Variants in NUP155 observed in about 807,000 individuals in gnomAD.
NUP155 encodes the protein nuclear pore complex protein Nup155.
NUP155 carries 71 observed loss-of-function variants against 180.4 expected under a neutral mutation model. That is an observed-to-expected ratio of 0.39 (90% CI 0.33 to 0.48). NUP155 has a LOEUF of 0.48. Among genes scored for constraint, NUP155 ranks in the 20% least tolerant of loss-of-function variants. NUP155 has a pLI of 0.91. For synonymous variants in NUP155, 582 were observed against 559.5 expected (o/e 1.04, Z -0.57); for missense variants, 1,553 against 1,648.9 (o/e 0.94, Z 1.01).
intron 32 of NUP155, among the ~76,000 whole-genome samples, chr5:37,296,107 C>T (rs1742549194): frequency 6.6e-6 from 1 of 151,628 alleles, no homozygotes; most frequent in Admixed American, 6.5e-5. Flanking sequence ...TGAGGGGCAC[C>T]TCTGCCCGGC....
chr5:37,327,749 G>A lies in NUP155; in HGVS notation c.1904C>T (p.Pro635Leu), dbSNP rs1406135000. The change falls in exon 18 of 35, where the codon CCA becomes CTA. Residue 635 changes from proline (P) to leucine (L), a missense_variant. Transcript: ENST00000231498. ...HGIQPPAMSTPVCALGNPATQ... is the reference protein window; with the variant it reads ...HGIQPPAMSTLVCALGNPATQ... ...TGCTGGGTTTCCCAGAGCACACACT[G>A]GAGTTGACATGGCAGGAGGCTGTAT... 4.3e-6 allele frequency: 7 copies of A among 1,614,058 alleles called. No homozygotes were observed. The highest frequency in any genetic ancestry group is 1.7e-5 in the Admixed American group (1 of 60,010).
chr5:37,332,899 G>A (rs748127321), intron 13 of NUP155, among the ~76,000 whole-genome samples: 2 of 152,018 alleles, frequency 1.3e-5, no homozygotes, highest in African/African-American at 4.8e-5. Flanking sequence ...AGAGGTTGCC[G>A]TAAGCCAAGA....
At chr5:37,310,417 T>C (rs969796392) in intron 23 of NUP155, 135 bp downstream of exon 23, 1 of 635,348 alleles carries the variant, frequency 1.6e-6, no homozygotes, top group Non-Finnish European at 2.7e-6. Context: ...AACCCCTTTC[T>C]TAGATGAGGA....
intron 30 of NUP155, among the ~76,000 whole-genome samples, chr5:37,300,630 G>C (rs1294360938): frequency 6.6e-6 from 1 of 151,994 alleles, no homozygotes; most frequent in Non-Finnish European, 1.5e-5. Flanking sequence ...AAGAAGCGAG[G>C]CCATAAATAA....
chr5:37,343,136 G>A (rs539887282), intron 9 of NUP155, among the ~76,000 whole-genome samples: 52 of 150,994 alleles, frequency 3.4e-4, no homozygotes, highest in Non-Finnish European at 5.7e-4. Flanking sequence ...GTGCAGTGGC[G>A]CCATCTCCAC....
At chr5:37,302,258 A>T (rs1561768510) in intron 29 of NUP155, among the ~76,000 whole-genome samples, 1 of 152,140 alleles carries the variant, frequency 6.6e-6, no homozygotes, top group South Asian at 2.1e-4. Context: ...TTTGAGACAG[A>T]GTCTCAGTCT....
Position 37,314,213 on chromosome 5 carries a change from C to G in NUP155, c.2421G>C (p.Val807=). ...LLCEHQFTII[V]AELQKELQEQ... Reference sequence around the variant, plus strand: ...AAAAAATTACCTTCTGAAGTTCTGCCACAATGATAGTGAATTGATGTTCAC... The same window carrying G: ...AAAAAATTACCTTCTGAAGTTCTGCGACAATGATAGTGAATTGATGTTCAC... The change falls in exon 22 of 35, where the codon GTG becomes GTC. Residue 807 remains valine (V), a synonymous_variant. Coordinates refer to ENST00000231498, the MANE Select transcript of NUP155 (RefSeq NM_153485.3). 1 of 1,608,252 alleles carries G rather than the reference C, an allele frequency of 6.2e-7. No homozygotes were observed. The highest frequency in any genetic ancestry group is 8.5e-7 in the Non-Finnish European group (1 of 1,175,610).
At position 37,314,270 on chromosome 5, in the gene NUP155, T is replaced by C. The variant is rs770224283; in HGVS notation, c.2364A>G (p.Ser788=). 7.5e-6 allele frequency: 12 copies of C among 1,610,596 alleles called. No individual in the cohort carries two copies. In the African/African-American group the frequency reaches 9.3e-5, roughly 13 times the overall value. The change falls in exon 22 of 35, where the codon TCA becomes TCG. Residue 788 remains serine, a synonymous_variant. Coordinates refer to ENST00000231498, the MANE Select transcript of NUP155 (RefSeq NM_153485.3). ...LQAIQQLVRK[S]YQALALWKLL... is the part of the protein sequence containing the mutation. The stretch of plus-strand genomic sequence containing the variant: ...GTTTCCATAAAGCCAGAGCCTGATA[T>C]GATTTTCGAACCAACTGCTGAATTG...
chr5:37,316,980 G>A (rs566383514), intron 21 of NUP155, among the ~76,000 whole-genome samples: 2 of 146,262 alleles, frequency 1.4e-5, no homozygotes, highest in East Asian at 2.1e-4. Flanking sequence ...GCTTAAACAC[G>A]GTGAAACCCT....
intron 29 of NUP155, 144 bp from the exon 30 acceptor site, chr5:37,301,694 A>G (rs756166615): frequency 3.4e-4 from 229 of 675,660 alleles, no homozygotes; most frequent in South Asian, 5.1e-4. Context: ...TAATATTATC[A>G]TAACAGACAT....
chr5:37,342,107 C>A (rs1745765024), intron 10 of NUP155, among the ~76,000 whole-genome samples: 1 of 152,170 alleles, frequency 6.6e-6, no homozygotes, highest in Non-Finnish European at 1.5e-5. Flanking sequence ...AGCATAATCT[C>A]AGCTCACTGT....
In NUP155 at chr5:37,371,018, A is replaced by ACCAAGGAGAAACAAGAAAAGAT; in HGVS notation, c.-63_-42dup. 6.2e-7 allele frequency: 1 copy of ACCAAGGAGAAACAAGAAAAGAT among 1,601,432 alleles called. No individual in the cohort carries two copies. Among genetic ancestry groups the ACCAAGGAGAAACAAGAAAAGAT allele is most frequent in the Non-Finnish European group, 8.5e-7 (1 of 1,170,854 alleles). ...CACCAGGGTCCAGAAAAAGTCAAAA[A>ACCAAGGAGAAACAAGAAAAGAT]CCAAGGAGAAACAAGAAAAGATCCA... On this transcript the variant is annotated 5_prime_UTR_variant, in exon 1 of 35. Coordinates refer to ENST00000231498, the MANE Select transcript of NUP155 (RefSeq NM_153485.3).
intron 30 of NUP155, among the ~76,000 whole-genome samples, chr5:37,300,325 GT>G (rs1251122865): frequency 6.6e-6 from 1 of 152,144 alleles, no homozygotes; most frequent in African/African-American, 2.4e-5. Flanking sequence ...AAAATATACA[GT>G]TATTATTGAC....
chr5:37,332,562 T>C (rs1170474457), intron 13 of NUP155, among the ~76,000 whole-genome samples: 1 of 152,028 alleles, frequency 6.6e-6, no homozygotes, highest in Non-Finnish European at 1.5e-5. Flanking sequence ...TTACAATCAA[T>C]GGCAAAAACC....
At chr5:37,349,115 T>G (rs1409495766) in intron 8 of NUP155, 57 bp downstream of exon 8, 3 of 434,830 alleles carry the variant, frequency 6.9e-6, no homozygotes, top group Non-Finnish European at 1.2e-5. Flanking sequence ...GGGAATTGTC[T>G]TCCTTAAAAA....
chr5:37,299,012 A>T, intron 31 of NUP155, 34 bp from the exon 32 acceptor site: 1 of 1,183,728 alleles, frequency 8.4e-7, no homozygotes, highest in Non-Finnish European at 1.3e-6. Flanking sequence ...TGAAACCCAA[A>T]TTACTTTTAA....
At chr5:37,347,412 C>G (rs2150982636) in intron 9 of NUP155, among the ~76,000 whole-genome samples, 1 of 152,018 alleles carries the variant, frequency 6.6e-6, no homozygotes, top group Admixed American at 6.6e-5. Flanking sequence ...AAAAGAGTCT[C>G]AAGCTGGGCA....
intron 4 of NUP155, among the ~76,000 whole-genome samples, chr5:37,353,257 T>TAC (rs1223598935): frequency 2.0e-5 from 3 of 151,768 alleles, no homozygotes; most frequent in South Asian, 2.1e-4. Context: ...ATGACATATA[T>TAC]ATATATACAC....
rs757847279 is a variant in NUP155, at chr5:37,333,483, A to G, written c.1498T>C (p.Phe500Leu). Reference protein sequence around the residue: ...VQQHMLPPKKFVLLSAQGSLM... With the variant: ...VQQHMLPPKKLVLLSAQGSLM... ...CACACCTGTGCTGAGAGGAGAACAA[A>G]TTTCTTCGGAGGTAACATGTGCTGC... is the stretch of plus-strand genomic sequence containing the variant. Residue 500 changes from phenylalanine to leucine, a missense_variant, in exon 13 of 35, where the codon TTT becomes CTT. Phe to Leu is a conservative substitution (Grantham distance 22). Coordinates refer to ENST00000231498, the MANE Select transcript of NUP155 (RefSeq NM_153485.3). 1.9e-6 allele frequency: 3 copies of G among 1,614,118 alleles called. No individual in the cohort carries two copies. Among genetic ancestry groups the G allele is most frequent in the Admixed American group, 1.7e-5 (1 of 60,018 alleles).
Sources: gnomAD v4.1 joint callset for allele counts (sites outside exome capture counted in the v4.1 genomes callset) on GRCh38, gnomAD v4.1.1 for gene constraint, MANE v1.5 for transcripts, NCBI Gene and HGNC (gene_info 2026-07-23, HGNC 2026-07-21) for gene names.